The following RTKN2 variants were observed in gnomAD, a reference collection of about 807,000 sequenced individuals.
RTKN2 encodes the protein rhotekin 2.
In RTKN2, 69 loss-of-function variants were observed where a neutral mutation model predicts 71.5. The observed-to-expected ratio is 0.96, with a 90% CI of 0.79 to 1.18. The LOEUF is 1.18. Ranked by LOEUF, RTKN2 falls within the 50% of genes most tolerant of loss-of-function variation. The pLI is 0.00. For synonymous variants in RTKN2, 236 were observed against 236.5 expected (o/e 1.00, Z 0.02); for missense variants, 724 against 719.7 (o/e 1.01, Z -0.07).
chr10:62,207,973 A>G (rs535513167), intron 9 of RTKN2, among the ~76,000 whole-genome samples: 7 of 152,216 alleles, frequency 4.6e-5, no homozygotes, highest in African/African-American at 1.7e-4. Context: ...TTGTAAATAG[A>G]TTTGAGATTA....
At chr10:62,243,527 T>G (rs557350035) in intron 3 of RTKN2, among the ~76,000 whole-genome samples, 60 of 152,194 alleles carry the variant, frequency 3.9e-4, no homozygotes, top group Non-Finnish European at 6.9e-4. Context: ...CTTCCTTTGC[T>G]GTACACCCAC....
At chr10:62,257,106 G>A (rs932652970) in intron 2 of RTKN2, among the ~76,000 whole-genome samples, 2 of 152,184 alleles carry the variant, frequency 1.3e-5, no homozygotes, top group African/African-American at 4.8e-5. Flanking sequence ...CACTGTTGGT[G>A]TTCTGCGGGA....
Position 62,194,897 on chromosome 10 carries a change from C to T in RTKN2, c.*3011G>A. ...ATGGATTTAGTTTTCCACATATATT[C>T]ACATCCATTTAAAAGAAGTCAGGGG... On this transcript the variant is annotated 3_prime_UTR_variant, in exon 12 of 12. Coordinates refer to ENST00000373789, the MANE Select transcript of RTKN2 (RefSeq NM_145307.4). 1 of 985,008 alleles carries T rather than the reference C, an allele frequency of 1.0e-6. No individual in the cohort carries two copies. Among genetic ancestry groups the T allele is most frequent in the Non-Finnish European group, 1.2e-6 (1 of 829,618 alleles). 61.0% of individuals were successfully genotyped at this position (985,008 alleles called of 1,614,324 possible). A position where few individuals can be genotyped will look rare whatever the true frequency, so the allele number is the denominator to read the frequency against.
Position 62,209,888 on chromosome 10 carries a change from C to CG in RTKN2, c.1021-4867_1021-4866insC, listed in dbSNP as rs151163831. Among the ~76,000 whole-genome samples, 536 of 152,182 alleles carry CG rather than the reference C, an allele frequency of 3.5e-3. 2 individuals carry two copies. Among genetic ancestry groups the CG allele is most frequent in the African/African-American group, 0.011 (453 of 41,492 alleles). Reference sequence around the variant, plus strand: ...CACTGATGGGCATTTAGGTTGATTCCATGTCTTTGCTACTGTGAATGGTGC... The same window carrying CG: ...CACTGATGGGCATTTAGGTTGATTCCGATGTCTTTGCTACTGTGAATGGTGC... On this transcript the variant is annotated intron_variant, in intron 9 of 11. Coordinates refer to ENST00000373789, the MANE Select transcript of RTKN2 (RefSeq NM_145307.4).
At chr10:62,261,905 A>C (rs1039435624) in intron 2 of RTKN2, among the ~76,000 whole-genome samples, 3 of 152,200 alleles carry the variant, frequency 2.0e-5, no homozygotes, top group African/African-American at 7.2e-5. Context: ...GGAATGTAAG[A>C]CTGTTTTTAT....
intron 2 of RTKN2, among the ~76,000 whole-genome samples, chr10:62,249,961 C>T (rs1054994829): frequency 5.3e-5 from 8 of 152,152 alleles, no homozygotes; most frequent in African/African-American, 1.9e-4. Flanking sequence ...ATTATTTTCA[C>T]ACATTCTACA....
intron 8 of RTKN2, among the ~76,000 whole-genome samples, chr10:62,186,112 G>C (rs557523194): frequency 6.6e-6 from 1 of 152,326 alleles, no homozygotes; most frequent in African/African-American, 2.4e-5. Flanking sequence ...GTGGGCCGTG[G>C]GAGGGAGCTG....
intron 7 of RTKN2, among the ~76,000 whole-genome samples, chr10:62,222,880 T>G (rs1841939479): frequency 6.6e-6 from 1 of 152,220 alleles, no homozygotes; most frequent in South Asian, 2.1e-4. Context: ...TTTCTCTTTC[T>G]TACATTCTCT....
rs139538566 is a variant in RTKN2, at chr10:62,198,242, C to T, written c.1496G>A (p.Gly499Glu). The T allele has an allele frequency of 2.0e-4, 323 of 1,613,786 alleles. No individual in the cohort carries two copies. The highest frequency in any genetic ancestry group is 2.5e-4 in the Non-Finnish European group (299 of 1,179,934). ...PASEPLHDEK[G>E]KKRQAPLPPS... The stretch of plus-strand genomic sequence containing the variant: ...AGGAAGGGGAGCTTGTCTCTTTTTC[C>T]CTTTTTCATCATGTAATGGCTCACT... Residue 499 changes from glycine to glutamate, a missense_variant, in exon 12 of 12, where the codon GGG becomes GAG. Coordinates refer to ENST00000373789, the MANE Select transcript of RTKN2 (RefSeq NM_145307.4).
chr10:62,216,645 A>T (rs1261939416), intron 9 of RTKN2, among the ~76,000 whole-genome samples: 1 of 152,074 alleles, frequency 6.6e-6, no homozygotes, highest in Non-Finnish European at 1.5e-5. Context: ...ATAAGCACTC[A>T]ACTATTCTAA....
Position 62,196,085 on chromosome 10 carries a change from T to C in RTKN2, c.*1823A>G, listed in dbSNP as rs1315204995. On this transcript the variant is annotated 3_prime_UTR_variant, in exon 12 of 12. Coordinates refer to ENST00000373789, the MANE Select transcript of RTKN2 (RefSeq NM_145307.4). ...TGCTTAGATGCCAGCTTCAAAACAA[T>C]TTTCCCTGCAGCATCTTCTAGCTCA... 2.0e-6 allele frequency: 2 copies of C among 984,906 alleles called. No individual in the cohort carries two copies. The highest frequency in any genetic ancestry group is 3.5e-5 in the African/African-American group (2 of 57,126). 61.0% of individuals were successfully genotyped at this position (984,906 alleles called of 1,614,324 possible).
chr10:62,237,347 T>A (rs1401785825), intron 5 of RTKN2, among the ~76,000 whole-genome samples: 1 of 151,942 alleles, frequency 6.6e-6, no homozygotes, highest in East Asian at 1.9e-4. Context: ...GAATTTGGAA[T>A]AAGTTTATGT....
chr10:62,239,601 A>C (rs369463179), intron 5 of RTKN2, 47 bp downstream of exon 5: 11 of 873,094 alleles, frequency 1.3e-5, no homozygotes, highest in African/African-American at 1.2e-4. Flanking sequence ...TTTAAAAAAG[A>C]AGAATTTTAA....
rs146519617 is a variant in RTKN2 at position 62,232,248 on chromosome 10, T to A, written c.686+3818A>T. On this transcript the variant is annotated intron_variant, in intron 6 of 11. Coordinates refer to ENST00000373789, the MANE Select transcript of RTKN2 (RefSeq NM_145307.4). ...CTATTAAAAAGAACTTAATGCACAA[T>A]AATTTATTCTCAAAAATTCCTCTAG... is the stretch of plus-strand genomic sequence containing the variant. 7.1e-3 allele frequency among the ~76,000 whole-genome samples: 1,080 copies of A among 151,840 alleles called. 19 individuals carry two copies. The highest frequency in any genetic ancestry group is 0.025 in the African/African-American group (1,030 of 41,424).
chr10:62,268,424 G>C (rs1289531792), intron 1 of RTKN2, 127 bp downstream of exon 1: 1 of 935,802 alleles, frequency 1.1e-6, no homozygotes. Context: ...CCCTCCCTTT[G>C]TTTCTGGCCA....
chr10:62,268,665 A>G lies in RTKN2; in HGVS notation c.-55T>C. 6.6e-7 allele frequency: 1 copy of G among 1,520,524 alleles called. No individual in the cohort carries two copies. Among genetic ancestry groups the G allele is most frequent in the Non-Finnish European group, 8.9e-7 (1 of 1,124,078 alleles). The allele number at this position is 1,520,524 out of a possible 1,614,324, so 94.2% of individuals were successfully genotyped here. A position where few individuals can be genotyped will look rare whatever the true frequency, so the allele number is the denominator to read the frequency against. On this transcript the variant is annotated 5_prime_UTR_variant, in exon 1 of 12. Coordinates refer to ENST00000373789, the MANE Select transcript of RTKN2 (RefSeq NM_145307.4). ...ACTCCTTCAAAGGGAAGATTTGAAA[A>G]GCCCGCCCCTGGCAGGAGCCGCAGA...
chr10:62,257,396 T>G (rs1159123759), intron 2 of RTKN2, among the ~76,000 whole-genome samples: 2 of 152,222 alleles, frequency 1.3e-5, no homozygotes, highest in Non-Finnish European at 2.9e-5. Context: ...AGTCATTTTT[T>G]GGGTCCTTAC....
At chr10:62,192,355 A>G (rs1841236420), downstream of RTKN2, among the ~76,000 whole-genome samples, 1 of 152,214 alleles carries the variant, frequency 6.6e-6, no homozygotes, top group African/African-American at 2.4e-5. Context: ...ACAGGGTTAA[A>G]TGTCAATAAA....
At position 62,197,604 on chromosome 10, in the gene RTKN2, T is replaced by C. The variant is rs549871209; in HGVS notation, c.*304A>G. 2.3e-4 allele frequency: 247 copies of C among 1,090,334 alleles called. 2 individuals carry two copies. The African/African-American group carries it at 3.9e-3, about 17-fold the overall frequency. 67.5% of individuals were successfully genotyped at this position (1,090,334 alleles called of 1,614,324 possible). On this transcript the variant is annotated 3_prime_UTR_variant, in exon 12 of 12. Transcript: ENST00000373789. ...CCCCAAAAGAAATTTTAATGCTTTA[T>C]TCTGCCTAGGGCTTATTCACTGCCT... is the stretch of plus-strand genomic sequence containing the variant.
Sources: gnomAD v4.1 joint callset for allele counts (sites outside exome capture counted in the v4.1 genomes callset) on GRCh38, gnomAD v4.1.1 for gene constraint, MANE v1.5 for transcripts, NCBI Gene and HGNC (gene_info 2026-07-23, HGNC 2026-07-21) for gene names.